SV2C: variants seen among roughly 807,000 people sequenced by gnomAD.
SV2C encodes solute carrier family 22 member B3.
In SV2C, 49 loss-of-function variants were observed where a neutral mutation model predicts 79.7. The observed-to-expected ratio is 0.61, with a 90% confidence interval of 0.49 to 0.78. SV2C has a LOEUF of 0.78. Ranked by LOEUF, SV2C falls within the 30% of genes least tolerant of loss-of-function variation. The probability of loss-of-function intolerance (pLI) is 0.00; values close to 1 mark genes in which losing one functional copy is unlikely to be tolerated. For synonymous variants in SV2C, 334 were observed against 333.2 expected, an observed-to-expected ratio of 1.00 and a Z score of -0.03; for missense variants, 833 against 912.9, an observed-to-expected ratio of 0.91 and a Z score of 1.13.
At chr5:75,892,748 T>C in the SV2C span, among the ~76,000 whole-genome samples, 1 of 152,276 alleles carries the variant, frequency 6.6e-6, no homozygotes, top group African/African-American at 2.4e-5. Flanking sequence ...TCCATATTTC[T>C]GCAAAAGACA....
At chr5:76,232,607 G>A (rs143961212) in intron 4 of SV2C, among the ~76,000 whole-genome samples, 14,354 of 146,774 alleles carry the variant, frequency 0.098, 2,195 homozygotes, top group African/African-American at 0.34. Flanking sequence ...TCTTGAATTG[G>A]TTTTTGTATA....
the SV2C span, among the ~76,000 whole-genome samples, chr5:76,043,632 T>A: frequency 6.6e-6 from 1 of 152,344 alleles, no homozygotes; most frequent in African/African-American, 2.4e-5. Flanking sequence ...TGAGGTGAAA[T>A]AGCATTAGCT....
Position 76,332,264 on chromosome 5 carries a change from G to T in SV2C, c.*6717G>T, listed in dbSNP as rs924018463. The T allele has an allele frequency of 3.3e-5, 5 of 152,134 alleles. No individual in the cohort carries two copies. Among genetic ancestry groups the T allele is most frequent in the African/African-American group, 1.2e-4 (5 of 41,418 alleles). The allele number at this position is 152,134 out of a possible 1,614,324, so 9.4% of individuals were successfully genotyped here. On this transcript the variant is annotated 3_prime_UTR_variant, in exon 13 of 13. Transcript: ENST00000502798. ...ACTCAGACGGGTTTCAACTCAAGCGGGTAATCTACCCCAGCAGCAGGGGTG... is the reference window on the plus strand; with the variant it reads ...ACTCAGACGGGTTTCAACTCAAGCGTGTAATCTACCCCAGCAGCAGGGGTG...
chr5:76,082,500 T>TTCTC (rs988261400), upstream of SV2C: 4 of 150,662 alleles, frequency 2.7e-5, no homozygotes, highest in East Asian at 2.0e-4. Flanking sequence ...ACAAGCAAAA[T>TTCTC]TCTCTCTCTC....
chr5:75,953,889 C>T, the SV2C span, among the ~76,000 whole-genome samples: 1 of 151,898 alleles, frequency 6.6e-6, no homozygotes, highest in South Asian at 2.1e-4. Flanking sequence ...ACTCCTATAC[C>T]AGTGTTTCCT....
At chr5:76,104,191 C>T (rs1747830367) in intron 1 of SV2C, among the ~76,000 whole-genome samples, 1 of 152,172 alleles carries the variant, frequency 6.6e-6, no homozygotes, top group African/African-American at 2.4e-5. Context: ...CTGTATGTGA[C>T]AGTTGTTAAC....
At chr5:75,859,344 C>T in the SV2C span, among the ~76,000 whole-genome samples, 28 of 152,268 alleles carry the variant, frequency 1.8e-4, no homozygotes, top group African/African-American at 5.8e-4. Flanking sequence ...ATTTACATTC[C>T]GAAAGTTTAA....
the SV2C span, among the ~76,000 whole-genome samples, chr5:75,897,204 C>A: frequency 1.3e-5 from 2 of 151,282 alleles, no homozygotes; most frequent in African/African-American, 4.9e-5. Context: ...GGTTTTAGGT[C>A]TAACATGTAA....
chr5:75,954,268 GT>G, the SV2C span, among the ~76,000 whole-genome samples: 1 of 151,956 alleles, frequency 6.6e-6, no homozygotes, highest in Non-Finnish European at 1.5e-5. Context: ...ACTTTAATGT[GT>G]TGAAGGAAGA....
At chr5:76,006,274 G>A in the SV2C span, among the ~76,000 whole-genome samples, 1 of 152,124 alleles carries the variant, frequency 6.6e-6, no homozygotes, top group African/African-American at 2.4e-5. Flanking sequence ...CTCAGCTCTG[G>A]TCATTACCAC....
At chr5:76,210,852 T>C (rs552307992) in intron 4 of SV2C, among the ~76,000 whole-genome samples, 17 of 152,318 alleles carry the variant, frequency 1.1e-4, no homozygotes, top group Non-Finnish European at 2.2e-4. Context: ...TCAGGAACCA[T>C]GAATGACGAC....
chr5:76,253,272 T>C (rs1053307426), intron 4 of SV2C, among the ~76,000 whole-genome samples: 1 of 152,136 alleles, frequency 6.6e-6, no homozygotes, highest in African/African-American at 2.4e-5. Context: ...TGTGGGTTGA[T>C]TTTTGTTTTT....
At chr5:76,266,304 A>T (rs2937721) in intron 4 of SV2C, among the ~76,000 whole-genome samples, 126,360 of 151,984 alleles carry the variant, frequency 0.83, 52,727 homozygotes, top group Middle Eastern at 0.91. Context: ...GCCTCCCAGG[A>T]TCAAGGGACT....
At chr5:76,158,446 G>T (rs1258144401) in intron 2 of SV2C, among the ~76,000 whole-genome samples, 1 of 150,730 alleles carries the variant, frequency 6.6e-6, no homozygotes, top group Admixed American at 6.6e-5. Context: ...AGTTACCAAA[G>T]GTAAAGAGGG....
intron 2 of SV2C, among the ~76,000 whole-genome samples, chr5:76,156,524 A>G (rs1742733645): frequency 6.6e-6 from 1 of 152,080 alleles, no homozygotes; most frequent in Non-Finnish European, 1.5e-5. Flanking sequence ...TGACCTATAC[A>G]CTAGGGTTAG....
At chr5:76,060,638 A>AT in the SV2C span, among the ~76,000 whole-genome samples, 1 of 151,720 alleles carries the variant, frequency 6.6e-6, no homozygotes. Flanking sequence ...GGCTGGTTTG[A>AT]TTTTTTTCTC....
At chr5:75,932,433 C>G in the SV2C span, among the ~76,000 whole-genome samples, 2 of 137,222 alleles carry the variant, frequency 1.5e-5, no homozygotes, top group African/African-American at 6.0e-5. Context: ...GACAAAGATA[C>G]AGAAACAGAG....
At chr5:76,303,289 G>A (rs532292830) in intron 12 of SV2C, among the ~76,000 whole-genome samples, 8 of 152,254 alleles carry the variant, frequency 5.3e-5, no homozygotes, top group Non-Finnish European at 1.0e-4. Flanking sequence ...AGTTGGTGCG[G>A]CCAAAAGCAA....
the SV2C span, among the ~76,000 whole-genome samples, chr5:75,926,643 G>A: frequency 6.6e-6 from 1 of 152,082 alleles, no homozygotes; most frequent in South Asian, 2.1e-4. Context: ...TATTTCTGAT[G>A]AACATATAAC....
Sources: gnomAD v4.1 joint callset for allele counts (sites outside exome capture counted in the v4.1 genomes callset) on GRCh38, gnomAD v4.1.1 for gene constraint, MANE v1.5 for transcripts, NCBI Gene and HGNC (gene_info 2026-07-23, HGNC 2026-07-21) for gene names.